The following ZNF385B variants were observed in gnomAD, a reference collection of about 807,000 sequenced individuals.
The protein encoded by ZNF385B is zinc finger protein 533.
In ZNF385B, 23 loss-of-function variants were observed where a neutral mutation model predicts 39.2. The ratio of observed to expected loss-of-function variants is 0.59; its 90% CI spans 0.42 to 0.83. The LOEUF is 0.83. ZNF385B is among the 40% of genes least tolerant of loss of function. The pLI, the probability that ZNF385B is intolerant of heterozygous loss-of-function variation, is 0.00. For synonymous variants in ZNF385B, 205 were observed against 222.6 expected, an observed-to-expected ratio of 0.92 and a Z score of 0.70; for missense variants, 552 against 598.9, an observed-to-expected ratio of 0.92 and a Z score of 0.82.
chr2:179,797,870 A>G (rs1163416073), intron 1 of ZNF385B, among the ~76,000 whole-genome samples: 1 of 152,082 alleles, frequency 6.6e-6, no homozygotes, highest in East Asian at 1.9e-4. Context: ...TCAATCTGTT[A>G]TTGTGCGATA....
chr2:179,723,602 A>T (rs1700824028), intron 3 of ZNF385B, among the ~76,000 whole-genome samples: 1 of 152,184 alleles, frequency 6.6e-6, no homozygotes, highest in Admixed American at 6.5e-5. Context: ...AACTAAATAT[A>T]TTTTAAAACA....
At chr2:179,472,070 T>C (rs1444000213) in intron 6 of ZNF385B, among the ~76,000 whole-genome samples, 1 of 152,206 alleles carries the variant, frequency 6.6e-6, no homozygotes, top group Non-Finnish European at 1.5e-5. Context: ...TGGTATAGAA[T>C]CCGGGAAGAG....
intron 5 of ZNF385B, among the ~76,000 whole-genome samples, chr2:179,511,600 C>T (rs983319107): frequency 6.6e-6 from 1 of 152,172 alleles, no homozygotes; most frequent in African/African-American, 2.4e-5. Flanking sequence ...CATTGAACGA[C>T]TGCAGTTTCT....
chr2:179,559,814 C>G (rs1388057862), intron 3 of ZNF385B, among the ~76,000 whole-genome samples: 2 of 151,994 alleles, frequency 1.3e-5, no homozygotes, highest in Non-Finnish European at 2.9e-5. Flanking sequence ...TTCTAACATA[C>G]AAAATATATT....
chr2:179,457,096 T>G (rs1294054867), intron 6 of ZNF385B, among the ~76,000 whole-genome samples: 1 of 152,082 alleles, frequency 6.6e-6, no homozygotes, highest in Non-Finnish European at 1.5e-5. Flanking sequence ...CTAGATCAGT[T>G]TTATCTATTT....
At chr2:179,806,493 T>G (rs1706358681) in intron 1 of ZNF385B, among the ~76,000 whole-genome samples, 1 of 152,156 alleles carries the variant, frequency 6.6e-6, no homozygotes, top group Non-Finnish European at 1.5e-5. Flanking sequence ...TCCATCCCGG[T>G]CTTTGCAGAT....
chr2:179,666,427 C>A (rs1244071047), intron 3 of ZNF385B, among the ~76,000 whole-genome samples: 2 of 152,102 alleles, frequency 1.3e-5, no homozygotes, highest in African/African-American at 4.8e-5. Context: ...CATATAAATT[C>A]CAAACCATCT....
chr2:179,702,643 A>G (rs1382535351), intron 3 of ZNF385B, among the ~76,000 whole-genome samples: 1 of 152,242 alleles, frequency 6.6e-6, no homozygotes, highest in East Asian at 1.9e-4. Flanking sequence ...AGATACACAT[A>G]GCCAAAATAG....
At chr2:179,724,352 A>T (rs1187232810) in intron 3 of ZNF385B, among the ~76,000 whole-genome samples, 1 of 152,126 alleles carries the variant, frequency 6.6e-6, no homozygotes, top group East Asian at 1.9e-4. Flanking sequence ...GCATCAGAAA[A>T]CTAAATGAAG....
intron 3 of ZNF385B, among the ~76,000 whole-genome samples, chr2:179,683,831 T>G (rs1697722179): frequency 1.3e-5 from 2 of 152,194 alleles, no homozygotes; most frequent in Admixed American, 1.3e-4. Flanking sequence ...AAAACATTTA[T>G]GTTTGTTTGT....
chr2:179,538,405 T>G (rs1021577576), intron 4 of ZNF385B, among the ~76,000 whole-genome samples: 1 of 152,154 alleles, frequency 6.6e-6, no homozygotes, highest in Admixed American at 6.5e-5. Flanking sequence ...CAACACTTCA[T>G]GGGAAGCATA....
chr2:179,835,273 A>T (rs1708186138), intron 1 of ZNF385B, among the ~76,000 whole-genome samples: 1 of 152,230 alleles, frequency 6.6e-6, no homozygotes, highest in Non-Finnish European at 1.5e-5. Context: ...AAAGTGGCAA[A>T]CTGTTTCCAA....
At chr2:179,647,810 T>TA (rs1423437118) in intron 3 of ZNF385B, among the ~76,000 whole-genome samples, 7 of 152,320 alleles carry the variant, frequency 4.6e-5, no homozygotes, top group South Asian at 2.1e-4. Context: ...CCACTTTTTT[T>TA]ATTCCTCCTT....
chr2:179,691,726 T>A (rs1698369666), intron 3 of ZNF385B, among the ~76,000 whole-genome samples: 2 of 152,230 alleles, frequency 1.3e-5, no homozygotes, highest in Admixed American at 6.5e-5. Context: ...TTTTTCAGTA[T>A]ATCACATATA....
intron 5 of ZNF385B, among the ~76,000 whole-genome samples, chr2:179,492,326 G>A (rs2055325840): frequency 6.6e-6 from 1 of 152,114 alleles, no homozygotes; most frequent in Non-Finnish European, 1.5e-5. Context: ...GATAAGTAAT[G>A]CAATATAATT....
At chr2:179,754,101 C>T (rs1375266552) in intron 3 of ZNF385B, among the ~76,000 whole-genome samples, 12 of 152,080 alleles carry the variant, frequency 7.9e-5, no homozygotes, top group Non-Finnish European at 1.6e-4. Context: ...TTTTCAGATA[C>T]GTCCCATCAA....
chr2:179,500,020 A>T (rs1160251893), intron 5 of ZNF385B, among the ~76,000 whole-genome samples: 1 of 152,044 alleles, frequency 6.6e-6, no homozygotes, highest in Non-Finnish European at 1.5e-5. Context: ...AAAGATATAA[A>T]AAAGTAATCC....
intron 3 of ZNF385B, among the ~76,000 whole-genome samples, chr2:179,742,751 T>C (rs143405656): frequency 6.6e-6 from 1 of 152,164 alleles, no homozygotes; most frequent in African/African-American, 2.4e-5. Context: ...ATTTATACAA[T>C]CAGGAAAGCC....
At chr2:179,546,289 G>A (rs995361170) in intron 3 of ZNF385B, among the ~76,000 whole-genome samples, 5 of 151,850 alleles carry the variant, frequency 3.3e-5, no homozygotes, top group South Asian at 2.1e-4. Flanking sequence ...CATCAGTCTC[G>A]ACCTCCCAAA....
Sources: gnomAD v4.1 joint callset for allele counts (sites outside exome capture counted in the v4.1 genomes callset) on GRCh38, gnomAD v4.1.1 for gene constraint, MANE v1.5 for transcripts, NCBI Gene and HGNC (gene_info 2026-07-23, HGNC 2026-07-21) for gene names.